Variants in INVS observed in about 807,000 individuals in gnomAD.
INVS encodes the protein inversion of embryo turning homolog.
INVS carries 86 observed loss-of-function variants against 108.8 expected under a neutral mutation model. The observed-to-expected ratio is 0.79, with a 90% confidence interval of 0.66 to 0.95. The LOEUF (loss-of-function observed/expected upper bound fraction) is 0.95, where lower values mean the gene tolerates loss of function less well. Among genes scored for constraint, INVS ranks in the 40% least tolerant of loss-of-function variants. The pLI, the probability that INVS is intolerant of heterozygous loss-of-function variation, is 0.00. For synonymous variants in INVS, 455 were observed against 473.5 expected, an observed-to-expected ratio of 0.96 and a Z score of 0.51; for missense variants, 1,169 against 1,297.4, an observed-to-expected ratio of 0.90 and a Z score of 1.52.
intron 3 of INVS, among the ~76,000 whole-genome samples, chr9:100,137,946 GA>G (rs1257543222): frequency 6.6e-6 from 1 of 152,086 alleles, no homozygotes; most frequent in East Asian, 1.9e-4. Flanking sequence ...TTTTTTGTAG[GA>G]TTTTTTTGCT....
At chr9:100,218,069 G>A (rs1831042768) in intron 3 of INVS, among the ~76,000 whole-genome samples, 2 of 151,284 alleles carry the variant, frequency 1.3e-5, no homozygotes, top group South Asian at 2.1e-4. Context: ...ATGTATTTTG[G>A]GTATATAATA....
chr9:100,102,404 G>C (rs928974163), intron 1 of INVS, among the ~76,000 whole-genome samples: 2 of 152,106 alleles, frequency 1.3e-5, no homozygotes, highest in African/African-American at 4.8e-5. Flanking sequence ...ATTGAAATAT[G>C]GTTCATTTTA....
At chr9:100,299,360 G>A (rs763226649) in intron 16 of INVS, among the ~76,000 whole-genome samples, 3 of 151,614 alleles carry the variant, frequency 2.0e-5, no homozygotes, top group Admixed American at 1.3e-4. Context: ...CCCCACCCCC[G>A]AGGTTTTAGT....
intron 3 of INVS, among the ~76,000 whole-genome samples, chr9:100,178,693 T>G (rs1829790600): frequency 6.6e-6 from 1 of 152,162 alleles, no homozygotes; most frequent in East Asian, 1.9e-4. Flanking sequence ...ACGGGGAGAA[T>G]GGAACCAAAT....
rs148026842 is a variant in INVS at position 100,150,859 on chromosome 9, A to C, written c.273+24310A>C. ...AGCTGTTAAGCTTTCACAAGGTGCA[A>C]ATGATCATTTACAAATGTGACAACA... On this transcript the variant is annotated intron_variant, in intron 3 of 16. Transcript: ENST00000262457. Among the ~76,000 whole-genome samples the C allele has an allele frequency of 6.3e-4, 96 of 152,272 alleles. 1 individual carries two copies. In the East Asian group the frequency reaches 0.015, roughly 24 times the overall value.
rs1019928360 is a variant in INVS, at chr9:100,253,038, G to C, written c.1366G>C (p.Gly456Arg). 1.2e-6 allele frequency: 2 copies of C among 1,614,008 alleles called. No homozygotes were observed. The highest frequency in any genetic ancestry group is 1.7e-6 in the Non-Finnish European group (2 of 1,179,892). The part of the protein sequence containing the change: ...KINPNVQDYA[G>R]RTPLQCAAYG... ...CAATCCAAATGTCCAGGATTATGCA[G>C]GAAGAACCCCTTTGCAGTGTGCAGC... Residue 456 changes from glycine (G) to arginine (R), a missense_variant, in exon 10 of 17, where the codon GGA (glycine) becomes CGA (arginine). This residue lies in a region of INVS where 271 missense variants were observed against 363.8 expected (regional missense o/e 0.74). Transcript: ENST00000262457.
At chr9:100,152,261 C>A (rs1265371314) in intron 3 of INVS, among the ~76,000 whole-genome samples, 1 of 152,180 alleles carries the variant, frequency 6.6e-6, no homozygotes, top group African/African-American at 2.4e-5. Context: ...TAACGACACT[C>A]AATCAATGCT....
At chr9:100,276,492 C>T (rs1833117670) in intron 12 of INVS, among the ~76,000 whole-genome samples, 1 of 152,104 alleles carries the variant, frequency 6.6e-6, no homozygotes, top group African/African-American at 2.4e-5. Flanking sequence ...TTCTGTGCCA[C>T]CACCACTCTA....
intron 10 of INVS, among the ~76,000 whole-genome samples, chr9:100,254,848 C>T (rs966672217): frequency 3.9e-5 from 6 of 152,100 alleles, no homozygotes; most frequent in Non-Finnish European, 5.9e-5. Flanking sequence ...AGTCAGGTAG[C>T]GTGATGCTTC....
intron 13 of INVS, among the ~76,000 whole-genome samples, chr9:100,289,664 T>C (rs1402913179): frequency 6.6e-6 from 1 of 152,218 alleles, no homozygotes; most frequent in Non-Finnish European, 1.5e-5. Flanking sequence ...TATGGCCTTT[T>C]GTTCTCCAGT....
chr9:100,136,809 G>A (rs1283082642), intron 3 of INVS, among the ~76,000 whole-genome samples: 2 of 152,174 alleles, frequency 1.3e-5, no homozygotes, highest in Non-Finnish European at 2.9e-5. Context: ...GGAGGCTGAG[G>A]TGGGCAGATC....
At chr9:100,162,997 T>C (rs923721720) in intron 3 of INVS, among the ~76,000 whole-genome samples, 2 of 152,116 alleles carry the variant, frequency 1.3e-5, no homozygotes, top group African/African-American at 4.8e-5. Context: ...ACAATGTCTG[T>C]TGGACACTTA....
intron 3 of INVS, among the ~76,000 whole-genome samples, chr9:100,137,277 G>A (rs1188755498): frequency 6.6e-6 from 1 of 152,122 alleles, no homozygotes; most frequent in African/African-American, 2.4e-5. Flanking sequence ...AGACTGGATA[G>A]GAAAGGAAAC....
intron 2 of INVS, among the ~76,000 whole-genome samples, chr9:100,121,360 G>T (rs1404949785): frequency 1.3e-5 from 2 of 152,232 alleles, no homozygotes; most frequent in East Asian, 3.9e-4. Flanking sequence ...GGATCATACG[G>T]GGCATGTATA....
chr9:100,133,779 A>ACACACACACACACACACACC, intron 3 of INVS, among the ~76,000 whole-genome samples: 1 of 150,634 alleles, frequency 6.6e-6, no homozygotes, highest in Admixed American at 6.6e-5. Flanking sequence ...ACACACACAC[A>ACACACACACACACACACACC]CACACACACA....
intron 3 of INVS, among the ~76,000 whole-genome samples, chr9:100,153,914 C>T (rs1313411699): frequency 1.3e-5 from 2 of 152,218 alleles, no homozygotes; most frequent in Non-Finnish European, 2.9e-5. Context: ...CACCTCGATA[C>T]TGTCATAACG....
intron 15 of INVS, among the ~76,000 whole-genome samples, chr9:100,297,590 T>C (rs967468952): frequency 7.2e-5 from 11 of 152,224 alleles, no homozygotes; most frequent in African/African-American, 1.9e-4. Flanking sequence ...CCATGCACTA[T>C]AGTAAATATT....
chr9:100,213,469 G>A (rs1385445676), intron 3 of INVS, among the ~76,000 whole-genome samples: 4 of 151,956 alleles, frequency 2.6e-5, no homozygotes, highest in Admixed American at 2.6e-4. Flanking sequence ...GCCTCCCAAA[G>A]TGCTGGGATA....
At position 100,229,795 on chromosome 9, in the gene INVS, C is replaced by G. The variant is rs771225292; in HGVS notation, c.583C>G (p.Pro195Ala). ...TCACTGGGCAGCCAACCATAAAGAT[C>G]CAAGTGCTGTTCACACAGTGAGATG... ...PLHWAANHKD[P>A]SAVHTVRCIL... Residue 195 changes from proline (P) to alanine (A), a missense_variant, in exon 5 of 17, where the codon CCA (proline) becomes GCA (alanine). Physicochemically the swap from Pro to Ala is conservative, Grantham distance 27 (BLOSUM62 -1). This residue lies in a region of INVS where 365 missense variants were observed against 397.5 expected (regional missense o/e 0.92). Transcript: ENST00000262457. 1 of 1,614,092 alleles carries G rather than the reference C, an allele frequency of 6.2e-7. No homozygotes were observed. The highest frequency in any genetic ancestry group is 8.5e-7 in the Non-Finnish European group (1 of 1,180,004).
Sources: allele counts gnomAD v4.1 joint callset (sites outside exome capture counted in the v4.1 genomes callset), GRCh38; gene constraint gnomAD v4.1.1; regional missense constraint gnomAD v4.1.1; transcripts MANE v1.5; gene names NCBI Gene and HGNC (gene_info 2026-07-23, HGNC 2026-07-21).